MS4A18: variants seen among roughly 807,000 people sequenced by gnomAD.
The protein encoded by MS4A18 is membrane-spanning 4-domains subfamily A member 18.
Under a neutral mutation model 13.1 loss-of-function variants are expected in MS4A18, and 27 were observed. The ratio of observed to expected loss-of-function variants is 2.06; its 90% CI spans 1.52 to 2.84. The LOEUF (loss-of-function observed/expected upper bound fraction) is 2.84, where lower values mean the gene tolerates loss of function less well. MS4A18 is among the 30% of genes most tolerant of loss of function. The pLI is 0.00. For synonymous variants in MS4A18, 126 were observed against 76.5 expected (o/e 1.65, Z -3.38); for missense variants, 307 against 196.4 (o/e 1.56, Z -3.37).
At chr11:60,734,728 G>A (rs753740626) in intron 2 of MS4A18, among the ~76,000 whole-genome samples, 32 of 151,950 alleles carry the variant, frequency 2.1e-4, no homozygotes, top group Non-Finnish European at 3.7e-4. Context: ...GATGATAAAA[G>A]GAGATCTTGG....
chr11:60,728,089 A>G (rs1411393807), upstream of MS4A18, among the ~76,000 whole-genome samples: 4 of 152,230 alleles, frequency 2.6e-5, no homozygotes, highest in Admixed American at 2.6e-4. Context: ...CATGGTCGCA[A>G]TCCCAACACC....
chr11:60,738,907 CA>C lies in MS4A18; in HGVS notation c.655del (p.Ser219AlafsTer24). The C allele has an allele frequency of 1.4e-6, 1 of 703,312 alleles. No homozygotes were observed. The highest frequency in any genetic ancestry group is 2.6e-6 in the Non-Finnish European group (1 of 385,034). 43.6% of individuals were successfully genotyped at this position (703,312 alleles called of 1,614,324 possible). A position where few individuals can be genotyped will look rare whatever the true frequency, so the allele number is the denominator to read the frequency against. On this transcript the variant is annotated frameshift_variant, in exon 4 of 6. Coordinates refer to ENST00000529108, the Ensembl canonical transcript of MS4A18. LOFTEE classifies it high-confidence loss of function. ...CTCTCCCTCCTCTCCTGCAGGTGAA[CA>C]GCAGCATCAGCTTCAACATCATCAG...
exon 6 of MS4A18, chr11:60,744,088 T>C: frequency 1.6e-6 from 1 of 641,592 alleles, no homozygotes; most frequent in South Asian, 1.8e-5. Context: ...GAAACTTCCA[T>C]GACCATGACC....
At chr11:60,740,803 G>T (rs1853403068) in intron 4 of MS4A18, among the ~76,000 whole-genome samples, 1 of 152,194 alleles carries the variant, frequency 6.6e-6, no homozygotes, top group Non-Finnish European at 1.5e-5. Flanking sequence ...GCCAGAGAGA[G>T]CCCTGAGGCA....
exon 1 of MS4A18, chr11:60,729,596 T>C: frequency 1.4e-6 from 1 of 702,702 alleles, no homozygotes; most frequent in Non-Finnish European, 2.6e-6. Context: ...TTGCAGACGG[T>C]GCCTGGAGTG....
chr11:60,738,925 C>A (rs1019911496), exon 4 of MS4A18: 1 of 703,414 alleles, frequency 1.4e-6, no homozygotes, highest in Non-Finnish European at 2.6e-6. Context: ...TCAGCTTCAA[C>A]ATCATCAGCG....
intron 2 of MS4A18, among the ~76,000 whole-genome samples, chr11:60,736,766 C>T (rs906333478): frequency 2.6e-5 from 4 of 152,170 alleles, no homozygotes; most frequent in African/African-American, 9.7e-5. Context: ...AGCCTAGACC[C>T]ACAGGAGTTT....
upstream of MS4A18, among the ~76,000 whole-genome samples, chr11:60,728,220 G>T (rs1459085496): frequency 1.3e-5 from 2 of 152,096 alleles, no homozygotes; most frequent in Admixed American, 1.3e-4. Flanking sequence ...CTGTTTTTTT[G>T]CTCTGAAACC....
chr11:60,733,402 T>G (rs1729316641), intron 1 of MS4A18, 132 bp from the exon 3 acceptor site: 3 of 637,556 alleles, frequency 4.7e-6, no homozygotes, highest in Non-Finnish European at 8.5e-6. Flanking sequence ...TTGTATCCAT[T>G]TGGTCTGGGA....
intron 4 of MS4A18, 46 bp downstream of exon 5, chr11:60,739,043 G>A (rs1395811478): frequency 1.6e-5 from 11 of 699,392 alleles, no homozygotes; most frequent in Non-Finnish European, 2.9e-5. Flanking sequence ...AGGACCAGGA[G>A]GGCTTCTGAG....
At chr11:60,735,495 G>A (rs1331224065) in intron 2 of MS4A18, among the ~76,000 whole-genome samples, 11 of 141,296 alleles carry the variant, frequency 7.8e-5, no homozygotes, top group Non-Finnish European at 1.4e-4. Context: ...CACCGTGCCC[G>A]GCTAATTTTT....
At chr11:60,726,867 G>A (rs985806915), upstream of MS4A18, among the ~76,000 whole-genome samples, 3 of 151,562 alleles carry the variant, frequency 2.0e-5, no homozygotes, top group African/African-American at 7.3e-5. Context: ...CTATCAACCC[G>A]TCATCTAGGT....
At chr11:60,732,049 T>C (rs1207835006) in intron 1 of MS4A18, among the ~76,000 whole-genome samples, 2 of 152,118 alleles carry the variant, frequency 1.3e-5, no homozygotes, top group Non-Finnish European at 2.9e-5. Flanking sequence ...CATAGACTCA[T>C]GGACCAGGAA....
At chr11:60,735,165 C>G (rs1312580435) in intron 2 of MS4A18, among the ~76,000 whole-genome samples, 1 of 152,060 alleles carries the variant, frequency 6.6e-6, no homozygotes, top group Non-Finnish European at 1.5e-5. Flanking sequence ...GTGTATTTTA[C>G]CACGATTAAA....
At chr11:60,728,178 C>T (rs992815496), upstream of MS4A18, among the ~76,000 whole-genome samples, 1 of 152,196 alleles carries the variant, frequency 6.6e-6, no homozygotes, top group Non-Finnish European at 1.5e-5. Context: ...TCCTGGATGT[C>T]AAGGGCACCC....
At chr11:60,728,013 T>G (rs1371120668), upstream of MS4A18, among the ~76,000 whole-genome samples, 1 of 152,206 alleles carries the variant, frequency 6.6e-6, no homozygotes, top group Non-Finnish European at 1.5e-5. Flanking sequence ...GTTTGATCAC[T>G]GTCATAATCT....
At chr11:60,737,147 C>T in intron 3 of MS4A18, 113 bp downstream of exon 4, 1 of 670,310 alleles carries the variant, frequency 1.5e-6, no homozygotes, top group Non-Finnish European at 2.7e-6. Context: ...GCCCTGGGTA[C>T]AGTGCATTTC....
At chr11:60,730,514 T>G (rs1853238100) in intron 1 of MS4A18, among the ~76,000 whole-genome samples, 1 of 152,226 alleles carries the variant, frequency 6.6e-6, no homozygotes, top group Non-Finnish European at 1.5e-5. Context: ...AAGGAGGGTC[T>G]TTGTTCATGG....
chr11:60,734,512 T>G (rs543067866), intron 2 of MS4A18, among the ~76,000 whole-genome samples: 1 of 152,338 alleles, frequency 6.6e-6, no homozygotes, highest in Non-Finnish European at 1.5e-5. Flanking sequence ...GTTAATCATT[T>G]ACCAGCAGGC....
Sources: gnomAD v4.1 joint callset for allele counts (sites outside exome capture counted in the v4.1 genomes callset) on GRCh38, gnomAD v4.1.1 for gene constraint, MANE v1.5 for transcripts, NCBI Gene and HGNC (gene_info 2026-07-23, HGNC 2026-07-21) for gene names.